Variants in LRRK2 observed in about 807,000 individuals in gnomAD.
LRRK2 encodes the protein leucine rich repeat kinase 2, also known as leucine-rich repeat serine/threonine-protein kinase 2.
LRRK2 carries 203 observed loss-of-function variants against 302.6 expected under a neutral mutation model. That is an observed-to-expected ratio of 0.67 (90% CI 0.60 to 0.75). The LOEUF (loss-of-function observed/expected upper bound fraction) is 0.75, where lower values mean the gene tolerates loss of function less well. LRRK2 is among the 30% of genes least tolerant of loss of function. LRRK2 has a pLI of 0.00. For missense variants in LRRK2, 2,830 were observed against 2,951.0 expected (o/e 0.96, Z 0.95); for synonymous variants, 1,066 against 1,031.9 (o/e 1.03, Z -0.63).
chr12:40,266,637 C>A (rs1188575034), intron 14 of LRRK2, among the ~76,000 whole-genome samples: 1 of 152,126 alleles, frequency 6.6e-6, no homozygotes, highest in Non-Finnish European at 1.5e-5. Flanking sequence ...TTTGACCCAG[C>A]CATCCTGTTA....
At chr12:40,352,741 G>T (rs1946394047) in intron 44 of LRRK2, among the ~76,000 whole-genome samples, 2 of 150,958 alleles carry the variant, frequency 1.3e-5, no homozygotes, top group Admixed American at 1.3e-4. Context: ...AACCCTGAGT[G>T]GACACAGCAC....
rs770518310 is a variant in LRRK2 at position 40,365,136 on chromosome 12, T to C, written c.7390+86T>C. On this transcript the variant is annotated intron_variant, in intron 49 of 50. Coordinates refer to ENST00000298910, the MANE Select transcript of LRRK2 (RefSeq NM_198578.4). The stretch of plus-strand genomic sequence containing the variant: ...TTTTACGTTTACATTTTCTCTGAAC[T>C]TTCCAGTGTCATATGGATGGTCTTG... 8 of 1,275,570 alleles carry C rather than the reference T, an allele frequency of 6.3e-6. No homozygotes were observed. In the East Asian group the frequency reaches 1.9e-4, roughly 30 times the overall value. The allele number at this position is 1,275,570 out of a possible 1,614,324, so 79.0% of individuals were successfully genotyped here.
At chr12:40,265,568 A>G (rs574620387) in intron 14 of LRRK2, among the ~76,000 whole-genome samples, 2 of 152,262 alleles carry the variant, frequency 1.3e-5, no homozygotes, top group East Asian at 3.9e-4. Flanking sequence ...AGCATATTCT[A>G]GGTTGTCCTC....
In LRRK2 at chr12:40,251,236, G is replaced by T. The variant is rs759835772; in HGVS notation, c.963G>T (p.Glu321Asp). 4.4e-6 allele frequency: 7 copies of T among 1,574,974 alleles called. No homozygotes were observed. In the Admixed American group the frequency reaches 1.1e-4, roughly 24 times the overall value. The change falls in exon 9 of 51, where the codon GAG (glutamate) becomes GAT (aspartate). Residue 321 changes from glutamate (E) to aspartate (D), a missense_variant. Around this residue, in one of 3 missense-constraint regions of LRRK2, gnomAD observed 2,121 missense variants for 2,148.0 expected, o/e 0.99. Transcript: ENST00000298910. ...TATTTTTCAATTTTTTTCAAGCTGA[G>T]ACTATTTTCTTAAATCAAGATTTAG... The part of the protein sequence containing the change: ...SALSCLALLT[E>D]TIFLNQDLEE...
chr12:40,310,041 T>G (rs1300892033), intron 30 of LRRK2, among the ~76,000 whole-genome samples: 4 of 152,146 alleles, frequency 2.6e-5, no homozygotes, highest in Non-Finnish European at 4.4e-5. Flanking sequence ...AAGATTAAAT[T>G]CACAGATAAG....
At chr12:40,359,540 TC>T in intron 47 of LRRK2, 96 bp downstream of exon 47, 1 of 989,784 alleles carries the variant, frequency 1.0e-6, no homozygotes, top group Non-Finnish European at 1.5e-6. Context: ...ATAAGGAAGA[TC>T]TTTTAAAATG....
intron 39 of LRRK2, 37 bp downstream of exon 39, chr12:40,328,497 C>T: frequency 1.4e-6 from 2 of 1,423,802 alleles, no homozygotes; most frequent in Non-Finnish European, 2.0e-6. Flanking sequence ...TTAAATTGCA[C>T]ATTATTAATC....
intron 2 of LRRK2, among the ~76,000 whole-genome samples, chr12:40,230,280 CATT>C (rs1941116371): frequency 6.6e-6 from 1 of 152,156 alleles, no homozygotes; most frequent in Admixed American, 6.5e-5. Context: ...CTTGAGTAAT[CATT>C]TTTATCTTCC....
chr12:40,267,630 T>C (rs1943074097), intron 14 of LRRK2, among the ~76,000 whole-genome samples: 1 of 152,102 alleles, frequency 6.6e-6, no homozygotes, highest in African/African-American at 2.4e-5. Context: ...GCACTGCTTT[T>C]CCCCCATGCC....
Position 40,310,560 on chromosome 12 carries a change from C to T in LRRK2, c.4447C>T (p.Arg1483Ter), listed in dbSNP as rs114908017. Residue 1483 changes from arginine to a stop codon, truncating the protein, a stop_gained, in exon 31 of 51, where the codon CGA becomes TGA. Coordinates refer to ENST00000298910, the MANE Select transcript of LRRK2 (RefSeq NM_198578.4). LOFTEE classifies it high-confidence loss of function. ...LLNKRGFPAIRDYHFVNATEE... is the reference protein window; with the variant it reads ...LLNKRGFPAI ...GAATAAGCGAGGGTTCCCTGCCATA[C>T]GAGATTACCACTTTGTGAATGCCAC... The T allele has an allele frequency of 4.3e-6, 7 of 1,612,338 alleles. No individual in the cohort carries two copies. Among genetic ancestry groups the T allele is most frequent in the Admixed American group, 1.7e-5 (1 of 59,678 alleles).
At chr12:40,298,101 AAATTCTGTTGTGGATTGTGTTTTCAACTT>A in intron 23 of LRRK2, 113 bp from the exon 24 acceptor site, 1 of 801,652 alleles carries the variant, frequency 1.2e-6, no homozygotes, top group South Asian at 1.7e-5. Flanking sequence ...TAGTATACTG[AAATTCTGTTGTGGATTGTGTTTTCAACTT>A]TTTGAAAATT....
At chr12:40,291,098 C>T (rs575256427) in intron 20 of LRRK2, among the ~76,000 whole-genome samples, 2 of 152,072 alleles carry the variant, frequency 1.3e-5, no homozygotes, top group South Asian at 4.1e-4. Flanking sequence ...ACTATGCAGC[C>T]ATAAAAAATG....
intron 44 of LRRK2, among the ~76,000 whole-genome samples, chr12:40,354,091 T>C (rs994923207): frequency 6.6e-6 from 1 of 152,240 alleles, no homozygotes; most frequent in African/African-American, 2.4e-5. Context: ...ATTTTTAATT[T>C]TAGTTTCAGA....
Position 40,278,228 on chromosome 12 carries a change from T to C in LRRK2, c.2208T>C (p.Asn736=). ...TGCTTCTATTGGGAGCAGATGCCAA[T>C]CAAGCAAAGGAGGGATCTTCTTTAA... The part of the protein sequence containing the change: ...ECLLLLGADA[N]QAKEGSSLIC... The change falls in exon 18 of 51, where the codon AAT becomes AAC. Residue 736 remains asparagine (N), a synonymous_variant. Coordinates refer to ENST00000298910, the MANE Select transcript of LRRK2 (RefSeq NM_198578.4). 6.2e-7 allele frequency: 1 copy of C among 1,614,138 alleles called. No individual in the cohort carries two copies. The highest frequency in any genetic ancestry group is 8.5e-7 in the Non-Finnish European group (1 of 1,179,998).
chr12:40,337,338 A>G (rs1283896452), intron 40 of LRRK2, among the ~76,000 whole-genome samples: 1 of 152,172 alleles, frequency 6.6e-6, no homozygotes, highest in East Asian at 1.9e-4. Context: ...TACTTCTCCA[A>G]TTCAATCCAC....
chr12:40,259,581 C>T lies in LRRK2; in HGVS notation c.1520C>T (p.Ala507Val), dbSNP rs200618023. 3 of 1,613,058 alleles carry T rather than the reference C, an allele frequency of 1.9e-6. No individual in the cohort carries two copies. The highest frequency in any genetic ancestry group is 2.5e-6 in the Non-Finnish European group (3 of 1,179,374). Reference sequence around the variant, plus strand: ...CCAGTGCAGCTGGAGGCGCTTCGAGCTATTTTACATTTTATAGTGCCTGGT... The same window carrying T: ...CCAGTGCAGCTGGAGGCGCTTCGAGTTATTTTACATTTTATAGTGCCTGGT... ...SLPVQLEALR[A>V]ILHFIVPGMP... Residue 507 changes from alanine to valine, a missense_variant, in exon 13 of 51, where the codon GCT (alanine) becomes GTT (valine). Ala to Val is a moderately conservative substitution (Grantham distance 64, BLOSUM62 0). Around this residue, in one of 3 missense-constraint regions of LRRK2, gnomAD observed 2,121 missense variants for 2,148.0 expected, o/e 0.99. Transcript: ENST00000298910.
intron 40 of LRRK2, 70 bp from the exon 41 acceptor site, chr12:40,340,224 A>T: frequency 6.6e-7 from 1 of 1,515,928 alleles, no homozygotes; most frequent in Non-Finnish European, 9.1e-7. Context: ...TTTATATTTA[A>T]GGAAATTAGG....
intron 20 of LRRK2, among the ~76,000 whole-genome samples, chr12:40,291,085 A>AAT (rs1944129148): frequency 1.3e-5 from 2 of 152,110 alleles, no homozygotes; most frequent in African/African-American, 4.8e-5. Flanking sequence ...TACACCATGG[A>AAT]ATACTATGCA....
intron 6 of LRRK2, 105 bp from the exon 7 acceptor site, chr12:40,243,445 C>A: frequency 7.8e-7 from 1 of 1,275,876 alleles, no homozygotes; most frequent in Non-Finnish European, 1.1e-6. Flanking sequence ...GAAATGCAGT[C>A]ATTATGCTGC....
Sources: gnomAD v4.1 joint callset for allele counts (sites outside exome capture counted in the v4.1 genomes callset) on GRCh38, gnomAD v4.1.1 for gene constraint, gnomAD v4.1.1 regional missense constraint, MANE v1.5 for transcripts, NCBI Gene and HGNC (gene_info 2026-07-23, HGNC 2026-07-21) for gene names.